LARGE1: variants seen among roughly 807,000 people sequenced by gnomAD.
The protein encoded by LARGE1 is LARGE xylosyl- and glucuronyltransferase 1.
In LARGE1, 43 loss-of-function variants were observed where a neutral mutation model predicts 87.6. The observed-to-expected ratio is 0.49, with a 90% confidence interval of 0.38 to 0.63. The LOEUF (loss-of-function observed/expected upper bound fraction) is 0.63, where lower values mean the gene tolerates loss of function less well. Ranked by LOEUF, LARGE1 falls within the 30% of genes least tolerant of loss-of-function variation. The pLI, the probability that LARGE1 is intolerant of heterozygous loss-of-function variation, is 0.00. For synonymous variants in LARGE1, 434 were observed against 394.6 expected, an observed-to-expected ratio of 1.10 and a Z score of -1.18; for missense variants, 802 against 1,000.2, an observed-to-expected ratio of 0.80 and a Z score of 2.67.
chr22:33,566,655 T>G (rs962286985), intron 5 of LARGE1, among the ~76,000 whole-genome samples: 1 of 152,204 alleles, frequency 6.6e-6, no homozygotes, highest in African/African-American at 2.4e-5. Context: ...ATGCCGCTGC[T>G]GGCTGGGGTG....
chr22:33,797,894 T>C (rs5754677), intron 1 of LARGE1, among the ~76,000 whole-genome samples: 23,864 of 152,194 alleles, frequency 0.16, 1,951 homozygotes, highest in Middle Eastern at 0.26. Flanking sequence ...GGCTCACCTA[T>C]AAAATGAGGA....
intron 5 of LARGE1, among the ~76,000 whole-genome samples, chr22:33,568,775 A>AAAAAAAT (rs2078106140): frequency 2.0e-5 from 3 of 151,860 alleles, no homozygotes; most frequent in South Asian, 4.2e-4. Context: ...TCAAAAAAAA[A>AAAAAAAT]AAAAAAAAAA....
chr22:33,558,871 C>A (rs752899373), intron 6 of LARGE1, among the ~76,000 whole-genome samples: 23 of 152,350 alleles, frequency 1.5e-4, no homozygotes, highest in Non-Finnish European at 2.5e-4. Context: ...GGAGCAGACA[C>A]ACATTAACGA....
chr22:33,826,665 G>A (rs571664892), intron 1 of LARGE1, among the ~76,000 whole-genome samples: 3 of 152,052 alleles, frequency 2.0e-5, no homozygotes, highest in African/African-American at 2.4e-5. Context: ...AAGGAGACAT[G>A]TGATTGCCTT....
chr22:33,888,236 C>A (rs1394471399), intron 1 of LARGE1, among the ~76,000 whole-genome samples: 1 of 151,006 alleles, frequency 6.6e-6, no homozygotes, highest in African/African-American at 2.4e-5. Flanking sequence ...TTTTAGATGA[C>A]ATCAAAAGGT....
At chr22:33,084,899 C>T in the LARGE1 span, among the ~76,000 whole-genome samples, 1 of 152,156 alleles carries the variant, frequency 6.6e-6, no homozygotes, top group Non-Finnish European at 1.5e-5. Context: ...GTATTTTACA[C>T]TGACAGCACA....
chr22:33,747,532 C>T (rs2084134552), intron 2 of LARGE1: 1 of 152,506 alleles, frequency 6.6e-6, no homozygotes, highest in Non-Finnish European at 1.5e-5. Flanking sequence ...ATTAACACAG[C>T]ATTTCCCTTT....
At chr22:33,628,410 A>G (rs2079997964) in intron 3 of LARGE1, among the ~76,000 whole-genome samples, 1 of 149,800 alleles carries the variant, frequency 6.7e-6, no homozygotes, top group Non-Finnish European at 1.5e-5. Flanking sequence ...TCTGCCCCCC[A>G]GGTTCAAGTG....
intron 5 of LARGE1, among the ~76,000 whole-genome samples, chr22:33,593,306 G>C (rs2078895749): frequency 6.6e-6 from 1 of 152,184 alleles, no homozygotes. Context: ...GCCTCCCAAA[G>C]TGCTGGGATT....
chr22:33,902,353 T>C (rs2065306749), intron 1 of LARGE1, among the ~76,000 whole-genome samples: 1 of 152,052 alleles, frequency 6.6e-6, no homozygotes, highest in African/African-American at 2.4e-5. Flanking sequence ...CAGCCACCCA[T>C]CCCATTCCCC....
At chr22:33,472,975 C>G (rs1266847128) in intron 6 of LARGE1, among the ~76,000 whole-genome samples, 1 of 152,198 alleles carries the variant, frequency 6.6e-6, no homozygotes, top group Non-Finnish European at 1.5e-5. Flanking sequence ...TTCGTCCTGT[C>G]TTCTAGAGCA....
chr22:33,349,475 A>G (rs1282747873), intron 9 of LARGE1, among the ~76,000 whole-genome samples: 2 of 152,186 alleles, frequency 1.3e-5, no homozygotes, highest in Non-Finnish European at 2.9e-5. Flanking sequence ...AGCACTAGCT[A>G]AAGTGACACT....
At chr22:33,454,446 C>T (rs558080035) in intron 6 of LARGE1, among the ~76,000 whole-genome samples, 1 of 151,582 alleles carries the variant, frequency 6.6e-6, no homozygotes, top group Admixed American at 6.6e-5. Context: ...GGTGAAATCC[C>T]GTCTCTACTG....
intron 11 of LARGE1, among the ~76,000 whole-genome samples, chr22:33,252,074 TACA>T (rs1927032857): frequency 6.6e-6 from 1 of 152,218 alleles, no homozygotes; most frequent in Non-Finnish European, 1.5e-5. Flanking sequence ...GGCTACTAAA[TACA>T]TGGCAAAGCT....
intron 11 of LARGE1, among the ~76,000 whole-genome samples, chr22:33,184,864 T>C (rs1923390759): frequency 1.3e-5 from 2 of 152,190 alleles, no homozygotes; most frequent in Non-Finnish European, 2.9e-5. Flanking sequence ...ATGATATCAC[T>C]ATACACCTAT....
In LARGE1 at chr22:33,733,946, T is replaced by C. The variant is rs1029652611; in HGVS notation, c.106+27425A>G. On this transcript the variant is annotated intron_variant, in intron 2 of 14. Coordinates refer to ENST00000397394, the MANE Select transcript of LARGE1 (RefSeq NM_133642.5). ...ACCTGGGTGGCTTACACAATAGAAA[T>C]GTACTGCCTCACAGTTTTAGAGGCT... Among the ~76,000 whole-genome samples, 4 of 152,210 alleles carry C rather than the reference T, an allele frequency of 2.6e-5. No homozygotes were observed. In the East Asian group the frequency reaches 7.7e-4, roughly 29 times the overall value.
At chr22:33,521,734 A>G (rs2071607332) in intron 6 of LARGE1, among the ~76,000 whole-genome samples, 1 of 152,216 alleles carries the variant, frequency 6.6e-6, no homozygotes, top group Non-Finnish European at 1.5e-5. Context: ...ATTCTAATGC[A>G]GAGTACTAGC....
At chr22:33,820,658 T>C (rs770380470) in intron 1 of LARGE1, among the ~76,000 whole-genome samples, 6 of 152,090 alleles carry the variant, frequency 3.9e-5, no homozygotes, top group Admixed American at 6.6e-5. Flanking sequence ...CTAAATACTA[T>C]AGGATAAAAT....
chr22:33,156,668 T>C, the LARGE1 span, among the ~76,000 whole-genome samples: 3 of 152,172 alleles, frequency 2.0e-5, no homozygotes, highest in Non-Finnish European at 1.5e-5. Flanking sequence ...TGTGGACTTT[T>C]AAGTTAATGC....
Sources: gnomAD v4.1 joint callset for allele counts (sites outside exome capture counted in the v4.1 genomes callset) on GRCh38, gnomAD v4.1.1 for gene constraint, MANE v1.5 for transcripts, NCBI Gene and HGNC (gene_info 2026-07-23, HGNC 2026-07-21) for gene names.